The following WNT9A variants were observed in gnomAD, a reference collection of about 807,000 sequenced individuals.
WNT9A encodes protein Wnt-9a.
Under a neutral mutation model 31.4 loss-of-function variants are expected in WNT9A, and 8 were observed. The observed-to-expected ratio is 0.26, with a 90% confidence interval of 0.15 to 0.46. The LOEUF (loss-of-function observed/expected upper bound fraction) is 0.46. Ranked by LOEUF, WNT9A falls within the 20% of genes least tolerant of loss-of-function variation. The pLI is 0.99. For missense variants in WNT9A, 457 were observed against 522.9 expected (o/e 0.87, Z 1.23); for synonymous variants, 236 against 220.1 (o/e 1.07, Z -0.64).
chr1:227,944,236 CG>C (rs1201950883), intron 1 of WNT9A, among the ~76,000 whole-genome samples: 2 of 152,124 alleles, frequency 1.3e-5, no homozygotes, highest in Admixed American at 1.3e-4. Flanking sequence ...CGTGCTACAA[CG>C]GTGATGCTGA....
At position 227,942,879 on chromosome 1, in the gene WNT9A, G is replaced by A. The variant is rs1486954912; in HGVS notation, c.95+4914C>T. Among the ~76,000 whole-genome samples, 1 of 152,142 alleles carries A rather than the reference G, an allele frequency of 6.6e-6. No individual in the cohort carries two copies. The highest frequency in any genetic ancestry group is 1.5e-5 in the Non-Finnish European group (1 of 68,014). The stretch of plus-strand genomic sequence containing the variant: ...CCCCAGCCATGGGGTCACCCCAGAT[G>A]CCGCCTTCTTGCCAGCTCCTTCCCA... On this transcript the variant is annotated intron_variant, in intron 1 of 3. Coordinates refer to ENST00000272164, the MANE Select transcript of WNT9A (RefSeq NM_003395.4). This position sits in a 1 kb window ranked among gnomAD's most constrained non-coding sequence, Gnocchi z 5.7.
chr1:227,937,831 G>A (rs367874854), intron 1 of WNT9A, among the ~76,000 whole-genome samples: 16 of 152,362 alleles, frequency 1.1e-4, no homozygotes, highest in East Asian at 5.8e-4. Flanking sequence ...AGCAGCCCCA[G>A]GACAGCAGCA....
chr1:227,935,931 CCT>C (rs1483857649), intron 1 of WNT9A, among the ~76,000 whole-genome samples: 1 of 152,212 alleles, frequency 6.6e-6, no homozygotes, highest in Non-Finnish European at 1.5e-5. Flanking sequence ...ACTCTCCCGC[CCT>C]GAGTTATGTG....
rs1011172810 is a variant in WNT9A, at chr1:227,921,796, C to A, written c.820G>T (p.Ala274Ser). ...GGGTCGCTGCCACCTGCCCCCGAGG[C>A]ACGGCCCCGTGGTGGGGAGATGGCA... is the stretch of plus-strand genomic sequence containing the variant. ...AGAISPPRGR[A>S]SGAGGSDPLP... The change falls in exon 4 of 4, where the codon GCC (alanine) becomes TCC (serine). Residue 274 changes from alanine to serine, a missense_variant. By Grantham distance (99) the Ala-to-Ser change is moderately conservative (BLOSUM62 1). Coordinates refer to ENST00000272164, the MANE Select transcript of WNT9A (RefSeq NM_003395.4). The A allele has an allele frequency of 1.2e-6, 2 of 1,612,448 alleles. No homozygotes were observed. The highest frequency in any genetic ancestry group is 2.7e-5 in the African/African-American group (2 of 74,928).
intron 1 of WNT9A, among the ~76,000 whole-genome samples, chr1:227,944,127 T>A (rs920238660): frequency 1.3e-5 from 2 of 152,120 alleles, no homozygotes; most frequent in Non-Finnish European, 2.9e-5. Context: ...ACAGTGGAAG[T>A]GATCCAGATG....
rs971248777 is a variant in WNT9A at position 227,925,073 on chromosome 1, C to A, written c.352+190G>T. Among the ~76,000 whole-genome samples, 1 of 152,186 alleles carries A rather than the reference C, an allele frequency of 6.6e-6. No individual in the cohort carries two copies. Among genetic ancestry groups the A allele is most frequent in the Non-Finnish European group, 1.5e-5 (1 of 68,014 alleles). On this transcript the variant is annotated intron_variant, in intron 2 of 3. Transcript: ENST00000272164. The surrounding 1 kb of genome is among the most constrained non-coding windows in gnomAD (Gnocchi z 6.0). ...GCAACGACTGTGCGTGTGCCTAAAG[C>A]AAGGCAGGGCAGGCAGCACTCAGGG...
intron 1 of WNT9A, among the ~76,000 whole-genome samples, chr1:227,946,926 G>C (rs983036184): frequency 1.6e-4 from 24 of 152,308 alleles, no homozygotes; most frequent in African/African-American, 5.8e-4. Flanking sequence ...GGCTCCCAGC[G>C]GCGGCGCTCG....
At chr1:227,923,879 A>C (rs1041183125) in intron 3 of WNT9A, among the ~76,000 whole-genome samples, 3 of 152,110 alleles carry the variant, frequency 2.0e-5, no homozygotes, top group African/African-American at 7.2e-5. Context: ...GCAGGCAGAC[A>C]TGGGGTACCC....
At chr1:227,944,334 C>T (rs1391948544) in intron 1 of WNT9A, among the ~76,000 whole-genome samples, 7 of 152,286 alleles carry the variant, frequency 4.6e-5, no homozygotes, top group African/African-American at 1.7e-4. Flanking sequence ...GGAGAAAGAA[C>T]GCAGACAAGT....
rs116278486 is a variant in WNT9A, at chr1:227,924,593, G to A, written c.353-193C>T. On this transcript the variant is annotated intron_variant, in intron 2 of 3. Transcript: ENST00000272164. ...TAGGAAACGCCTGGGTGTCCCAGGC[G>A]CAGGGCTGGCTGGGGGGAGAAACCA... 6.9e-3 allele frequency among the ~76,000 whole-genome samples: 1,054 copies of A among 152,146 alleles called. 10 individuals are homozygous for A. Among genetic ancestry groups the A allele is most frequent in the African/African-American group, 0.024 (982 of 41,534 alleles).
chr1:227,946,988 C>T (rs976033623), intron 1 of WNT9A, among the ~76,000 whole-genome samples: 1 of 152,194 alleles, frequency 6.6e-6, no homozygotes, highest in Non-Finnish European at 1.5e-5. Context: ...CCTCGCACGG[C>T]GCCACCCTGC....
At chr1:227,931,474 A>G (rs531728364) in intron 1 of WNT9A, among the ~76,000 whole-genome samples, 1 of 152,328 alleles carries the variant, frequency 6.6e-6, no homozygotes, top group Non-Finnish European at 1.5e-5. Context: ...GGACTGAGCT[A>G]TTCTTGGCAA....
At position 227,921,544 on chromosome 1, in the gene WNT9A, C is replaced by A. The variant is rs1666313652; in HGVS notation, c.1072G>T (p.Glu358Ter). 6.2e-7 allele frequency: 1 copy of A among 1,611,832 alleles called. No individual in the cohort carries two copies. Among genetic ancestry groups the A allele is most frequent in the African/African-American group, 1.3e-5 (1 of 74,870 alleles). ...YVECRQCTQREEVYTCKG is the reference protein window; with the variant it reads ...YVECRQCTQR ...CAGCCCTTGCAGGTGTAGACCTCCT[C>A]ACGCTGCGTGCACTGCCTGCACTCC... The change falls in exon 4 of 4, where the codon GAG (glutamate) becomes TAG (stop). Residue 358 changes from glutamate to a stop codon, truncating the protein, a stop_gained. Coordinates refer to ENST00000272164, the MANE Select transcript of WNT9A (RefSeq NM_003395.4). LOFTEE classifies it high-confidence loss of function.
At chr1:227,934,618 C>T (rs1001492140) in intron 1 of WNT9A, among the ~76,000 whole-genome samples, 1 of 152,176 alleles carries the variant, frequency 6.6e-6, no homozygotes, top group Non-Finnish European at 1.5e-5. Flanking sequence ...TTTCCTTTCA[C>T]GTTGGCCTGT....
Position 227,921,830 on chromosome 1 carries a change from G to T in WNT9A, c.786C>A (p.Gly262=). Residue 262 remains glycine (G), a synonymous_variant, in exon 4 of 4, where the codon GGC becomes GGA. Coordinates refer to ENST00000272164, the MANE Select transcript of WNT9A (RefSeq NM_003395.4). ...GTGGTGGGGAGATGGCACCTGCCTC[G>T]CCGGCAGCTTCATTGGTGGTGCTGC... ...KVGSTTNEAA[G]EAGAISPPRG... The T allele has an allele frequency of 6.2e-7, 1 of 1,613,070 alleles. No individual in the cohort carries two copies. Among genetic ancestry groups the T allele is most frequent in the South Asian group, 1.1e-5 (1 of 91,084 alleles).
rs796565132 is a variant in WNT9A, at chr1:227,925,197, A to C, written c.352+66T>G. The C allele has an allele frequency of 1.8e-5, 26 of 1,445,112 alleles. No individual in the cohort carries two copies. The South Asian group carries it at 3.6e-4, about 20-fold the overall frequency. 89.5% of individuals were successfully genotyped at this position (1,445,112 alleles called of 1,614,324 possible). The stretch of plus-strand genomic sequence containing the variant: ...CGCAGCCTAAGAGGGGCCTCTTGGG[A>C]TATGGACAAGGCCTGGGCTGCCACC... On this transcript the variant is annotated intron_variant, in intron 2 of 3. Transcript: ENST00000272164. This position sits in a 1 kb window ranked among gnomAD's most constrained non-coding sequence, Gnocchi z 6.0.
chr1:227,939,503 G>A (rs1026171996), intron 1 of WNT9A, among the ~76,000 whole-genome samples: 7 of 152,102 alleles, frequency 4.6e-5, no homozygotes, highest in African/African-American at 9.7e-5. Context: ...GCAGCTAAAC[G>A]GGCCTTGTCC....
intron 1 of WNT9A, among the ~76,000 whole-genome samples, chr1:227,927,305 G>T (rs640440): frequency 0.43 from 65,602 of 151,886 alleles, 14,378 homozygotes; most frequent in African/African-American, 0.52. Context: ...GAGCCCAAGG[G>T]CCCTTCTAGC....
At position 227,925,361 on chromosome 1, in the gene WNT9A, G is replaced by T; in HGVS notation, c.254C>A (p.Ala85Asp). 6.2e-7 allele frequency: 1 copy of T among 1,611,186 alleles called. No individual in the cohort carries two copies. Reference protein sequence around the residue: ...DPGVAETLVEAVSMSALECQF... With the variant: ...DPGVAETLVEDVSMSALECQF... ...GCACTCGAGCGCACTCATGCTCACGGCCTCCACCAGCGTCTCTGCCACGCC... is the reference window on the plus strand; with the variant it reads ...GCACTCGAGCGCACTCATGCTCACGTCCTCCACCAGCGTCTCTGCCACGCC... Residue 85 changes from alanine (A) to aspartate (D), a missense_variant, in exon 2 of 4, where the codon GCC (alanine) becomes GAC (aspartate). Coordinates refer to ENST00000272164, the MANE Select transcript of WNT9A (RefSeq NM_003395.4). This position sits in a 1 kb window ranked among gnomAD's most constrained non-coding sequence, Gnocchi z 6.0.
Sources: allele counts gnomAD v4.1 joint callset (sites outside exome capture counted in the v4.1 genomes callset), GRCh38; gene constraint gnomAD v4.1.1; non-coding constraint Gnocchi (gnomAD v3.1); transcripts MANE v1.5; gene names NCBI Gene and HGNC (gene_info 2026-07-23, HGNC 2026-07-21).